Variants in RP2 observed in about 807,000 individuals in gnomAD.
RP2 encodes protein XRP2.
In RP2, 3 loss-of-function variants were observed where a neutral mutation model predicts 20.3. The ratio of observed to expected loss-of-function variants is 0.15; its 90% CI spans 0.07 to 0.38. The LOEUF (loss-of-function observed/expected upper bound fraction) is 0.38. Ranked by LOEUF, RP2 falls within the 10% of genes least tolerant of loss-of-function variation. The pLI is 1.00. For missense variants in RP2, 233 were observed against 268.5 expected (o/e 0.87, Z 0.92); for synonymous variants, 75 against 94.8 (o/e 0.79, Z 1.22).
chrX:46,842,405 T>G (rs1556315084), intron 1 of RP2, among the ~76,000 whole-genome samples: 1 of 112,435 alleles, frequency 8.9e-6, no homozygotes, highest in African/African-American at 3.2e-5. Flanking sequence ...TTACCCATAT[T>G]TGATCATTAC....
intron 1 of RP2, among the ~76,000 whole-genome samples, chrX:46,838,566 TTTTAG>T (rs1337674503): frequency 3.5e-5 from 4 of 112,947 alleles, no homozygotes; most frequent in African/African-American, 1.3e-4. Context: ...TTCATTTTTA[TTTTAG>T]TTTTTTCTTT....
chrX:46,881,667 G>T lies in RP2; in HGVS notation c.*1898G>T. 1 of 110,025 alleles carries T rather than the reference G, an allele frequency of 9.1e-6. No homozygotes were observed. The highest frequency in any genetic ancestry group is 3.9e-4 in the South Asian group (1 of 2,543). The allele number at this position is 110,025 out of a possible 1,213,427, so 9.1% of individuals were successfully genotyped here. Reference sequence around the variant, plus strand: ...TTTTTGTATTTTTAGTTGAGATGGGGTTTTTCCACGTTGGTCAGGCTGGTC... The same window carrying T: ...TTTTTGTATTTTTAGTTGAGATGGGTTTTTTCCACGTTGGTCAGGCTGGTC... On this transcript the variant is annotated 3_prime_UTR_variant, in exon 5 of 5. Transcript: ENST00000218340.
At position 46,853,494 on chromosome X, in the gene RP2, A is replaced by G. The variant is rs141869514; in HGVS notation, c.121A>G (p.Met41Val). The G allele has an allele frequency of 2.7e-5, 33 of 1,208,544 alleles. No homozygotes were observed. In the African/African-American group the frequency reaches 5.4e-4, roughly 20 times the overall value. ...CCTGCAGGTTGATCCAAAAGACTAC[A>G]TGTTCAGTGGACTGAAGGATGAAAC... ...QREKVDPKDYMFSGLKDETVG... is the reference protein window; with the variant it reads ...QREKVDPKDYVFSGLKDETVG... Residue 41 changes from methionine to valine, a missense_variant, in exon 2 of 5, where the codon ATG becomes GTG. Around this residue, in one of 3 missense-constraint regions of RP2, gnomAD observed 77 missense variants for 71.8 expected, o/e 1.07. Coordinates refer to ENST00000218340, the MANE Select transcript of RP2 (RefSeq NM_006915.3).
At chrX:46,849,730 C>T (rs1375531920) in intron 1 of RP2, among the ~76,000 whole-genome samples, 5 of 111,984 alleles carry the variant, frequency 4.5e-5, no homozygotes, top group East Asian at 5.5e-4. Context: ...AAAAGTGGAG[C>T]GTCCAGAGAA....
In RP2 at chrX:46,853,927, A is replaced by G. The variant is rs782582100; in HGVS notation, c.554A>G (p.Asn185Ser). The change falls in exon 2 of 5, where the codon AAC becomes AGC. Residue 185 changes from asparagine (N) to serine (S), a missense_variant. By Grantham distance (46) the Asn-to-Ser change is conservative. Transcript: ENST00000218340. ...HDFTPVSGEL[N>S]WSLLPEDAVV... is the part of the protein sequence containing the mutation. ...TTTACACCTGTGTCAGGAGAACTCA[A>G]CTGGAGCCTTCTTCCAGAAGATGCT... 1 of 1,209,993 alleles carries G rather than the reference A, an allele frequency of 8.3e-7. No individual in the cohort carries two copies. Among genetic ancestry groups the G allele is most frequent in the East Asian group, 3.0e-5 (1 of 33,790 alleles).
At chrX:46,843,678 C>G (rs781803666) in intron 1 of RP2, among the ~76,000 whole-genome samples, 7 of 111,528 alleles carry the variant, frequency 6.3e-5, no homozygotes, top group Non-Finnish European at 9.4e-5. Context: ...TATGGGGAAT[C>G]TTTTCAATCC....
chrX:46,864,170 G>T (rs1276892002), intron 3 of RP2, among the ~76,000 whole-genome samples: 2 of 110,535 alleles, frequency 1.8e-5, no homozygotes, highest in African/African-American at 6.6e-5. Context: ...GGGTGTGATG[G>T]TGTGCACCTG....
chrX:46,839,759 T>C (rs1311773165), intron 1 of RP2, among the ~76,000 whole-genome samples: 3 of 110,919 alleles, frequency 2.7e-5, no homozygotes, highest in African/African-American at 9.8e-5. Flanking sequence ...ATATGATGCA[T>C]GCATATTAAT....
rs1924908021 is a variant in RP2 at position 46,853,918 on chromosome X, G to A, written c.545G>A (p.Gly182Glu). The change falls in exon 2 of 5, where the codon GGA (glycine) becomes GAA (glutamate). Residue 182 changes from glycine (G) to glutamate (E), a missense_variant. Around this residue, in one of 3 missense-constraint regions of RP2, gnomAD observed 38 missense variants for 72.9 expected, o/e 0.52. Transcript: ENST00000218340. ...ATTCATGACTTTACACCTGTGTCAG[G>A]AGAACTCAACTGGAGCCTTCTTCCA... is the stretch of plus-strand genomic sequence containing the variant. ...SNIHDFTPVS[G>E]ELNWSLLPED... is the part of the protein sequence containing the mutation. The A allele has an allele frequency of 9.1e-6, 11 of 1,211,430 alleles. No individual in the cohort carries two copies. The highest frequency in any genetic ancestry group is 1.2e-5 in the Non-Finnish European group (11 of 895,320).
intron 2 of RP2, among the ~76,000 whole-genome samples, chrX:46,859,238 C>T (rs1295172481): frequency 1.8e-5 from 2 of 111,082 alleles, no homozygotes; most frequent in African/African-American, 3.3e-5. Flanking sequence ...ATTCCAGCAT[C>T]TTGGGTGGCT....
Position 46,853,052 on chromosome X carries a change from C to G in RP2, c.103-424C>G, listed in dbSNP as rs189613859. 4.7e-3 allele frequency among the ~76,000 whole-genome samples: 528 copies of G among 111,304 alleles called. 2 individuals carry two copies. The highest frequency in any genetic ancestry group is 0.017 in the African/African-American group (507 of 30,631). ...AATCATTTAAAAATATATTTTTGAC[C>G]CTGGTACTCTACAAAGCTTAGTACA... On this transcript the variant is annotated intron_variant, in intron 1 of 4. Transcript: ENST00000218340.
At chrX:46,859,111 G>T (rs967545060) in intron 2 of RP2, among the ~76,000 whole-genome samples, 2 of 111,321 alleles carry the variant, frequency 1.8e-5, no homozygotes, top group African/African-American at 6.5e-5. Context: ...AAAACTGCCT[G>T]CCACATGGTA....
rs1924773366 is a variant in RP2, at chrX:46,847,790, G to GTGTGTGTATATACACACATA, written c.103-5679_103-5678insATATACACACATATGTGTGT. Reference sequence around the variant, plus strand: ...CATGTGTGTGTGTACATACACACATGTGTGTGTGTATATATATACACACAT... The same window carrying GTGTGTGTATATACACACATA: ...CATGTGTGTGTGTACATACACACATGTGTGTGTATATACACACATATGTGTGTGTATATATATACACACAT... On this transcript the variant is annotated intron_variant, in intron 1 of 4. Transcript: ENST00000218340. 3.7e-5 allele frequency among the ~76,000 whole-genome samples: 3 copies of GTGTGTGTATATACACACATA among 80,072 alleles called. 1 individual carries two copies. The highest frequency in any genetic ancestry group is 1.7e-4 in the African/African-American group (3 of 17,794). 69.5% of individuals were successfully genotyped at this position (80,072 alleles called of 115,157 possible).
At chrX:46,837,453 CG>C (rs1395631503) in intron 1 of RP2, among the ~76,000 whole-genome samples, 1 of 111,624 alleles carries the variant, frequency 9.0e-6, no homozygotes, top group Non-Finnish European at 1.9e-5. Context: ...CAGACTCCCC[CG>C]GGAGCTTTCT....
At chrX:46,864,339 C>T (rs1204321213) in intron 3 of RP2, among the ~76,000 whole-genome samples, 1 of 105,698 alleles carries the variant, frequency 9.5e-6, no homozygotes, top group Non-Finnish European at 1.9e-5. Flanking sequence ...TCCTTCCTTC[C>T]TTCCTTTCTT....
chrX:46,880,025 T>TG lies in RP2; in HGVS notation c.*257dup, dbSNP rs1257630171. ...GCTTGCAGTTTTGTTTCTCTGCATA[T>TG]GATATTCTTATTAGAAAACAGAAGT... On this transcript the variant is annotated 3_prime_UTR_variant, in exon 5 of 5. Transcript: ENST00000218340. The TG allele has an allele frequency of 4.6e-6, 1 of 217,526 alleles. No individual in the cohort carries two copies. Among genetic ancestry groups the TG allele is most frequent in the African/African-American group, 2.9e-5 (1 of 34,481 alleles). 17.9% of individuals were successfully genotyped at this position (217,526 alleles called of 1,213,427 possible). A position where few individuals can be genotyped will look rare whatever the true frequency, so the allele number is the denominator to read the frequency against.
chrX:46,867,249 T>C (rs1925189574), intron 3 of RP2, among the ~76,000 whole-genome samples: 1 of 111,833 alleles, frequency 8.9e-6, no homozygotes, highest in South Asian at 3.7e-4. Context: ...TACAGATGCC[T>C]GCCACCACGC....
intron 3 of RP2, among the ~76,000 whole-genome samples, chrX:46,870,182 A>G (rs1438531619): frequency 9.0e-6 from 1 of 110,968 alleles, no homozygotes; most frequent in Non-Finnish European, 1.9e-5. Context: ...ACCATAGCTC[A>G]CTGTAACCTC....
At chrX:46,863,313 T>C (rs1925110366) in intron 3 of RP2, among the ~76,000 whole-genome samples, 1 of 112,675 alleles carries the variant, frequency 8.9e-6, no homozygotes. Flanking sequence ...AGATGGTGTT[T>C]ATTTTGTAAT....
Sources: gnomAD v4.1 joint callset for allele counts (sites outside exome capture counted in the v4.1 genomes callset) on GRCh38, gnomAD v4.1.1 for gene constraint, gnomAD v4.1.1 regional missense constraint, MANE v1.5 for transcripts, NCBI Gene and HGNC (gene_info 2026-07-23, HGNC 2026-07-21) for gene names.